HNRNPU: variants seen among roughly 807,000 people sequenced by gnomAD.
HNRNPU encodes heterogeneous nuclear ribonucleoprotein U.
Under a neutral mutation model 94.7 loss-of-function variants are expected in HNRNPU, and 5 were observed. The ratio of observed to expected loss-of-function variants is 0.05; its 90% CI spans 0.03 to 0.11. The LOEUF is 0.11. HNRNPU is among the 10% of genes least tolerant of loss of function. HNRNPU has a pLI of 1.00. For missense variants in HNRNPU, 710 were observed against 1,049.2 expected (o/e 0.68, Z 4.47); for synonymous variants, 434 against 381.6 (o/e 1.14, Z -1.60).
At chr1:244,860,181 TCC>T in intron 4 of HNRNPU, 152 bp downstream of exon 4, 1 of 594,082 alleles carries the variant, frequency 1.7e-6, no homozygotes. Context: ...GTGCCTCTAG[TCC>T]GAGCTACTTG....
At position 244,863,633 on chromosome 1, in the gene HNRNPU, G is replaced by A. The variant is rs1367755555; in HGVS notation, c.675C>T (p.Pro225=). The A allele has an allele frequency of 2.6e-6, 4 of 1,540,444 alleles. No individual in the cohort carries two copies. The highest frequency in any genetic ancestry group is 2.5e-5 in the East Asian group (1 of 39,806). ...AGCACTCACCCGCCGCCGGAGCCCC[G>A]GGGCGACCGCCGCCTCCGCCGCCTT... is the stretch of plus-strand genomic sequence containing the variant. ...KAEGGGGGGR[P]GAPAAGDGKT... The change falls in exon 1 of 14, where the codon CCC becomes CCT. Residue 225 remains proline (P), a synonymous_variant. Transcript: ENST00000640218.
intron 7 of HNRNPU, 38 bp from the exon 8 acceptor site, chr1:244,857,755 A>G: frequency 6.2e-7 from 1 of 1,600,926 alleles, no homozygotes. Flanking sequence ...CACTGTCAGT[A>G]GACACCACCT....
intron 1 of HNRNPU, chr1:244,863,089 T>G: frequency 4.6e-6 from 1 of 217,820 alleles, no homozygotes; most frequent in Non-Finnish European, 8.9e-6. Flanking sequence ...GCGGCCGCAT[T>G]GTACTGATCT....
rs1395574788 is a variant in HNRNPU at position 244,864,350 on chromosome 1, G to A, written c.-43C>T. On this transcript the variant is annotated 5_prime_UTR_variant, in exon 1 of 14. Transcript: ENST00000640218. ...ACCGCTAGGCGCTGCCTCAAACTCG[G>A]CTCCGCTCACTCGGCCACTGGTGGC... 6.3e-7 allele frequency: 1 copy of A among 1,597,768 alleles called. No individual in the cohort carries two copies. The highest frequency in any genetic ancestry group is 8.5e-7 in the Non-Finnish European group (1 of 1,175,922).
chr1:244,855,684 T>G, intron 11 of HNRNPU, 76 bp from the exon 12 acceptor site: 1 of 1,464,630 alleles, frequency 6.8e-7, no homozygotes, highest in Non-Finnish European at 9.3e-7. Context: ...TTCCTCTAGA[T>G]TGTTCCTTTT....
At chr1:244,860,996 A>G (rs1380130457) in intron 3 of HNRNPU, 1 of 154,102 alleles carries the variant, frequency 6.5e-6, no homozygotes, top group African/African-American at 2.4e-5. Flanking sequence ...ATGAAGTACA[A>G]ACCTGGCCGT....
intron 1 of HNRNPU, chr1:244,863,001 C>T (rs1445930595): frequency 1.1e-5 from 5 of 442,222 alleles, no homozygotes; most frequent in African/African-American, 8.2e-5. Context: ...CCACGTGTAT[C>T]CCGAAGAGAG....
At chr1:244,860,993 A>G (rs1680810318) in intron 3 of HNRNPU, 1 of 154,414 alleles carries the variant, frequency 6.5e-6, no homozygotes, top group Non-Finnish European at 1.4e-5. Flanking sequence ...ACTATGAAGT[A>G]CAAACCTGGC....
Position 244,864,300 on chromosome 1 carries a change from G to C in HNRNPU, c.8C>G (p.Ser3Cys), listed in dbSNP as rs771628842. 5 of 1,612,778 alleles carry C rather than the reference G, an allele frequency of 3.1e-6. No homozygotes were observed. Among genetic ancestry groups the C allele is most frequent in the South Asian group, 1.1e-5 (1 of 91,056 alleles). The change falls in exon 1 of 14, where the codon TCC (serine) becomes TGC (cysteine). Residue 3 changes from serine to cysteine, a missense_variant. By Grantham distance (112) the Ser-to-Cys change is moderately radical (BLOSUM62 -1). Coordinates refer to ENST00000640218, the MANE Select transcript of HNRNPU (RefSeq NM_031844.3). ...CAGCTTTTTTACATTAACAGGCGAG[G>C]AACTCATGGTGAGGGCCCCGATTCA... The part of the protein sequence containing the change: MS[S>C]SPVNVKKLKV...
intron 7 of HNRNPU, 63 bp downstream of exon 7, chr1:244,857,948 T>C: frequency 6.7e-7 from 1 of 1,484,172 alleles, no homozygotes; most frequent in East Asian, 2.3e-5. Context: ...TTCTTCTAAA[T>C]GTCATTTTGT....
chr1:244,857,959 G>A (rs1431579964), intron 7 of HNRNPU, 52 bp downstream of exon 7: 8 of 1,522,584 alleles, frequency 5.3e-6, no homozygotes, highest in East Asian at 4.5e-5. Context: ...GTCATTTTGT[G>A]CCAGGCAAGC....
At chr1:244,861,181 A>G (rs1680816261) in intron 3 of HNRNPU, 2 of 152,236 alleles carry the variant, frequency 1.3e-5, no homozygotes, top group African/African-American at 4.8e-5. Flanking sequence ...TTGAACAGCT[A>G]AAGTCAAGCT....
chr1:244,855,223 A>T lies in HNRNPU; in HGVS notation c.2353-179T>A, dbSNP rs573169531. 4.2e-5 allele frequency: 30 copies of T among 710,732 alleles called. No homozygotes were observed. In the Middle Eastern group the frequency reaches 9.5e-4, roughly 22 times the overall value. 44.0% of individuals were successfully genotyped at this position (710,732 alleles called of 1,614,324 possible). A position where few individuals can be genotyped will look rare whatever the true frequency, so the allele number is the denominator to read the frequency against. The stretch of plus-strand genomic sequence containing the variant: ...ATGTTTTAATTTTTTATTCATTATG[A>T]GAAATGCATCTGACTTGTTTAGTAC... On this transcript the variant is annotated intron_variant, in intron 12 of 13. Transcript: ENST00000640218.
At chr1:244,858,972 CT>C in intron 5 of HNRNPU, 131 bp from the exon 6 acceptor site, 2 of 605,344 alleles carry the variant, frequency 3.3e-6, no homozygotes, top group Non-Finnish European at 5.8e-6. Context: ...GACACTATTA[CT>C]TTTCTATCTC....
At chr1:244,863,037 C>T (rs1029982258) in intron 1 of HNRNPU, 2 of 325,226 alleles carry the variant, frequency 6.1e-6, no homozygotes, top group South Asian at 4.3e-5. Context: ...GGGCCGAGCC[C>T]GGCGCGGCGG....
rs925350951 is a variant in HNRNPU, at chr1:244,855,429, T to A, written c.2347A>T (p.Asn783Tyr). The A allele has an allele frequency of 6.2e-7, 1 of 1,613,104 alleles. No individual in the cohort carries two copies. The highest frequency in any genetic ancestry group is 8.5e-7 in the Non-Finnish European group (1 of 1,179,738). The change falls in exon 12 of 14, where the codon AAC becomes TAC. Residue 783 changes from asparagine (N) to tyrosine (Y), a missense_variant. Asn to Tyr is a moderately radical substitution (Grantham distance 143). Around this residue, in one of 8 missense-constraint regions of HNRNPU, gnomAD observed 152 missense variants for 238.9 expected, o/e 0.64. Coordinates refer to ENST00000640218, the MANE Select transcript of HNRNPU (RefSeq NM_031844.3). The stretch of plus-strand genomic sequence containing the variant: ...CAGGGATCTTGAATCATTACCTGGT[T>A]GTAGTTCCCTCTGTTGGGCATTCCA... ...RGGMPNRGNYNQNFRGRGNNR... is the reference protein window; with the variant it reads ...RGGMPNRGNYYQNFRGRGNNR...
At chr1:244,862,221 A>T in intron 3 of HNRNPU, 1 of 412,838 alleles carries the variant, frequency 2.4e-6, no homozygotes, top group South Asian at 5.6e-5. Flanking sequence ...TTTCCTAAGA[A>T]TGAGAACTTT....
rs1314045027 is a variant in HNRNPU, at chr1:244,860,329, A to G, written c.1017+6T>C. 1 of 1,607,192 alleles carries G rather than the reference A, an allele frequency of 6.2e-7. No homozygotes were observed. The highest frequency in any genetic ancestry group is 8.5e-7 in the Non-Finnish European group (1 of 1,177,306). On this transcript the variant is annotated splice_donor_region_variant and intron_variant, in intron 4 of 13. Coordinates refer to ENST00000640218, the MANE Select transcript of HNRNPU (RefSeq NM_031844.3). ...ACAAACAAACAAATCATAAAATTGC[A>G]TTTACCTTCATCTCAAAACACACTT...
Position 244,852,845 on chromosome 1 carries a change from A to G in HNRNPU, c.*1605T>C, listed in dbSNP as rs1333356928. On this transcript the variant is annotated 3_prime_UTR_variant, in exon 14 of 14. Transcript: ENST00000640218. ...AAACACCAAGGAAACGCTAGACTGA[A>G]GTCAAATTTTAGTTCTACAGTTTGA... is the stretch of plus-strand genomic sequence containing the variant. 6.6e-6 allele frequency: 1 copy of G among 152,644 alleles called. No individual in the cohort carries two copies. 9.5% of individuals were successfully genotyped at this position (152,644 alleles called of 1,614,324 possible).
Sources: allele counts gnomAD v4.1 joint callset, GRCh38; gene constraint gnomAD v4.1.1; regional missense constraint gnomAD v4.1.1; transcripts MANE v1.5; gene names NCBI Gene and HGNC (gene_info 2026-07-23, HGNC 2026-07-21).